The following VDAC2 variants were observed in gnomAD, a reference collection of about 807,000 sequenced individuals.
The protein encoded by VDAC2 is voltage dependent anion channel 2.
Under a neutral mutation model 36.6 loss-of-function variants are expected in VDAC2, and 6 were observed. The observed-to-expected ratio is 0.16, with a 90% CI of 0.09 to 0.32. The LOEUF (loss-of-function observed/expected upper bound fraction) is 0.32, where lower values mean the gene tolerates loss of function less well. VDAC2 is among the 10% of genes least tolerant of loss of function. The probability of loss-of-function intolerance (pLI) is 1.00; values close to 1 mark genes in which losing one functional copy is unlikely to be tolerated. For missense variants in VDAC2, 247 were observed against 346.0 expected, an observed-to-expected ratio of 0.71 and a Z score of 2.27; for synonymous variants, 109 against 123.8, an observed-to-expected ratio of 0.88 and a Z score of 0.79.
rs780444493 is a variant in VDAC2 at position 75,212,255 on chromosome 10, T to A, written c.57T>A (p.Ala19=). ...ARPMCIPPSY[A]DLGKAARDIF... ...CAATGTGTATTCCTCCATCATATGC[T>A]GACCTTGGCAAAGCTGCCAGAGATA... Residue 19 remains alanine, a synonymous_variant, in exon 3 of 10, where the codon GCT becomes GCA. Transcript: ENST00000332211. The A allele has an allele frequency of 3.1e-6, 5 of 1,613,816 alleles. No individual in the cohort carries two copies. The South Asian group carries it at 5.5e-5, about 18-fold the overall frequency.
Position 75,230,991 on chromosome 10 carries a change from C to T in VDAC2, c.*2C>T. ...CTCGCCCTGGAGTTGGAGGCTTAAT[C>T]CAGCTGAAAGAAACCTTTGGGAATG... On this transcript the variant is annotated 3_prime_UTR_variant, in exon 10 of 10. Coordinates refer to ENST00000332211, the MANE Select transcript of VDAC2 (RefSeq NM_001391963.1). The T allele has an allele frequency of 6.2e-7, 1 of 1,608,816 alleles. No individual in the cohort carries two copies. Among genetic ancestry groups the T allele is most frequent in the Admixed American group, 1.7e-5 (1 of 59,546 alleles).
intron 4 of VDAC2, among the ~76,000 whole-genome samples, chr10:75,217,377 T>C (rs1841637736): frequency 6.6e-6 from 1 of 152,174 alleles, no homozygotes; most frequent in African/African-American, 2.4e-5. Flanking sequence ...GATCCAGTGC[T>C]TTTTTGTTTA....
At chr10:75,220,634 G>A in intron 6 of VDAC2, 109 bp from the exon 7 acceptor site, 1 of 918,182 alleles carries the variant, frequency 1.1e-6, no homozygotes, top group Non-Finnish European at 1.7e-6. Flanking sequence ...TTGTATTGCT[G>A]ATTTTTACTC....
Position 75,211,120 on chromosome 10 carries a change from T to C in VDAC2, c.-25-14T>C, listed in dbSNP as rs755375826. 4.4e-6 allele frequency: 7 copies of C among 1,603,212 alleles called. No individual in the cohort carries two copies. The highest frequency in any genetic ancestry group is 6.0e-6 in the Non-Finnish European group (7 of 1,174,802). ...TTTGACCCCAGCTTACCGCACTTCT[T>C]GTCCCTCCCGCAGATTCCCCTCTTC... On this transcript the variant is annotated splice_polypyrimidine_tract_variant and intron_variant, in intron 1 of 9. Coordinates refer to ENST00000332211, the MANE Select transcript of VDAC2 (RefSeq NM_001391963.1).
chr10:75,214,262 G>A (rs1226858195), intron 4 of VDAC2, among the ~76,000 whole-genome samples, 192 bp downstream of exon 4: 2 of 152,128 alleles, frequency 1.3e-5, no homozygotes, highest in Non-Finnish European at 2.9e-5. Flanking sequence ...GTGGTCTTTC[G>A]TCATATTATG....
chr10:75,229,331 G>T (rs531482727), intron 8 of VDAC2: 3 of 202,526 alleles, frequency 1.5e-5, no homozygotes, highest in South Asian at 2.1e-4. Context: ...CTGGTTTGTT[G>T]TGCTAGACTA....
chr10:75,222,341 C>A lies in VDAC2; in HGVS notation c.674C>A (p.Thr225Asn). The A allele has an allele frequency of 6.2e-7, 1 of 1,614,138 alleles. No homozygotes were observed. The highest frequency in any genetic ancestry group is 8.5e-7 in the Non-Finnish European group (1 of 1,180,018). ...TSVNLAWTSGTNCTRFGIAAK... is the reference protein window; with the variant it reads ...TSVNLAWTSGNNCTRFGIAAK... The stretch of plus-strand genomic sequence containing the variant: ...GTAAACCTTGCTTGGACATCAGGTA[C>A]CAACTGCACTCGTTTTGGCATTGCA... Residue 225 changes from threonine to asparagine, a missense_variant, in exon 8 of 10, where the codon ACC becomes AAC. Coordinates refer to ENST00000332211, the MANE Select transcript of VDAC2 (RefSeq NM_001391963.1).
chr10:75,213,932 C>CT, intron 3 of VDAC2, 89 bp from the exon 4 acceptor site: 1 of 1,269,114 alleles, frequency 7.9e-7, no homozygotes. Context: ...TATGTGGAAT[C>CT]TTTTTGTTTT....
At chr10:75,210,222 G>C (rs1228176772), upstream of VDAC2, 2 of 152,574 alleles carry the variant, frequency 1.3e-5, no homozygotes, top group Non-Finnish European at 2.9e-5. Context: ...GGTGGGAAAA[G>C]AGGGCAGAAG....
Position 75,217,830 on chromosome 10 carries a change from G to T in VDAC2, c.151-1233G>T, listed in dbSNP as rs1189471672. 5 of 1,042,156 alleles carry T rather than the reference G, an allele frequency of 4.8e-6. No homozygotes were observed. In the African/African-American group the frequency reaches 6.6e-5, roughly 14 times the overall value. The allele number at this position is 1,042,156 out of a possible 1,614,324, so 64.6% of individuals were successfully genotyped here. On this transcript the variant is annotated intron_variant, in intron 4 of 9. Coordinates refer to ENST00000332211, the MANE Select transcript of VDAC2 (RefSeq NM_001391963.1). ...TATACAAATGTTCTATTTTCTGAGA[G>T]AAGGTTGACTGGCCTTTCCTCCTAT... is the stretch of plus-strand genomic sequence containing the variant.
In VDAC2 at chr10:75,219,138, T is replaced by C. The variant is rs1453890696; in HGVS notation, c.226T>C (p.Cys76Arg). The C allele has an allele frequency of 6.2e-7, 1 of 1,613,440 alleles. No homozygotes were observed. Residue 76 changes from cysteine to arginine, a missense_variant, in exon 5 of 10, where the codon TGT (cysteine) becomes CGT (arginine). By Grantham distance (180) the Cys-to-Arg change is radical. Transcript: ENST00000332211. Reference sequence around the variant, plus strand: ...GACCTTGGAGACCAAATACAAGTGGTGTGAGTATGGTCTGACTTTCACAGA... The same window carrying C: ...GACCTTGGAGACCAAATACAAGTGGCGTGAGTATGGTCTGACTTTCACAGA... ...TGTLETKYKW[C>R]EYGLTFTEKW... is the part of the protein sequence containing the mutation.
chr10:75,212,160 C>G, intron 2 of VDAC2, 70 bp from the exon 3 acceptor site: 2 of 1,367,624 alleles, frequency 1.5e-6, no homozygotes, highest in East Asian at 2.3e-5. Flanking sequence ...AGCAGTGGGT[C>G]ATGCTCTTGT....
At chr10:75,228,698 A>G (rs1842026949) in intron 8 of VDAC2, among the ~76,000 whole-genome samples, 1 of 152,250 alleles carries the variant, frequency 6.6e-6, no homozygotes, top group African/African-American at 2.4e-5. Flanking sequence ...GTTACACATT[A>G]TAAGAGTATA....
At position 75,219,392 on chromosome 10, in the gene VDAC2, A is replaced by G; in HGVS notation, c.356+36A>G. 8 of 1,505,876 alleles carry G rather than the reference A, an allele frequency of 5.3e-6. No individual in the cohort carries two copies. In the South Asian group the frequency reaches 8.8e-5, roughly 16 times the overall value. The allele number at this position is 1,505,876 out of a possible 1,614,324, so 93.3% of individuals were successfully genotyped here. A position where few individuals can be genotyped will look rare whatever the true frequency, so the allele number is the denominator to read the frequency against. ...ACATTTTTATCTGTATTACATTTAAAAGTATTTCTCTTTTGTATATTTAGA... is the reference window on the plus strand; with the variant it reads ...ACATTTTTATCTGTATTACATTTAAGAGTATTTCTCTTTTGTATATTTAGA... On this transcript the variant is annotated intron_variant, in intron 6 of 9. Transcript: ENST00000332211.
chr10:75,220,305 C>G (rs997601666), intron 6 of VDAC2, among the ~76,000 whole-genome samples: 1 of 151,910 alleles, frequency 6.6e-6, no homozygotes, highest in Non-Finnish European at 1.5e-5. Flanking sequence ...GACGGGATTT[C>G]ACCATGCTGG....
At chr10:75,226,820 T>A (rs891509861) in intron 8 of VDAC2, among the ~76,000 whole-genome samples, 3 of 152,090 alleles carry the variant, frequency 2.0e-5, no homozygotes, top group Non-Finnish European at 4.4e-5. Context: ...GTTAATGAGG[T>A]GATTTTTGGA....
intron 8 of VDAC2, among the ~76,000 whole-genome samples, chr10:75,228,239 G>A (rs1335964311): frequency 6.6e-6 from 1 of 151,244 alleles, no homozygotes; most frequent in African/African-American, 2.4e-5. Context: ...TTATTTGTAG[G>A]GTACAAGATG....
At chr10:75,219,587 G>A (rs1292561814) in intron 6 of VDAC2, among the ~76,000 whole-genome samples, 5 of 152,122 alleles carry the variant, frequency 3.3e-5, no homozygotes, top group African/African-American at 1.2e-4. Flanking sequence ...GGGTTCAAGC[G>A]ATTCTTCTGC....
chr10:75,225,790 AG>A (rs1841935559), intron 8 of VDAC2, among the ~76,000 whole-genome samples: 1 of 151,166 alleles, frequency 6.6e-6, no homozygotes, highest in Admixed American at 6.7e-5. Context: ...AGGACCGAGT[AG>A]GTTTTTTTTG....
Sources: gnomAD v4.1 joint callset for allele counts (sites outside exome capture counted in the v4.1 genomes callset) on GRCh38, gnomAD v4.1.1 for gene constraint, MANE v1.5 for transcripts, NCBI Gene and HGNC (gene_info 2026-07-23, HGNC 2026-07-21) for gene names.